Variants in CNTNAP5 observed in about 807,000 individuals in gnomAD.
The protein encoded by CNTNAP5 is contactin-associated protein-like 5.
In CNTNAP5, 72 loss-of-function variants were observed where a neutral mutation model predicts 150.2. The ratio of observed to expected loss-of-function variants is 0.48; its 90% confidence interval spans 0.40 to 0.58. The LOEUF (loss-of-function observed/expected upper bound fraction) is 0.58, where lower values mean the gene tolerates loss of function less well. Among genes scored for constraint, CNTNAP5 ranks in the 20% least tolerant of loss-of-function variants. The pLI is 0.00. For synonymous variants in CNTNAP5, 672 were observed against 619.8 expected, an observed-to-expected ratio of 1.08 and a Z score of -1.25; for missense variants, 1,636 against 1,626.2, an observed-to-expected ratio of 1.01 and a Z score of -0.10.
intron 11 of CNTNAP5, among the ~76,000 whole-genome samples, chr2:124,602,942 T>C (rs916246082): frequency 1.3e-5 from 2 of 152,196 alleles, no homozygotes; most frequent in African/African-American, 4.8e-5. Context: ...AAATACTTAA[T>C]ATAATCTGTT....
chr2:124,535,534 A>G (rs1695209880), intron 10 of CNTNAP5, among the ~76,000 whole-genome samples: 1 of 150,790 alleles, frequency 6.6e-6, no homozygotes, highest in South Asian at 2.1e-4. Flanking sequence ...GAGGCCAAGA[A>G]GGGCGGATCA....
At chr2:124,832,878 C>A (rs1682745657) in intron 19 of CNTNAP5, among the ~76,000 whole-genome samples, 1 of 151,456 alleles carries the variant, frequency 6.6e-6, no homozygotes, top group African/African-American at 2.4e-5. Context: ...GAGTAATGAT[C>A]ATTTAAGCTC....
At chr2:124,408,111 A>T (rs1270020059) in intron 3 of CNTNAP5, among the ~76,000 whole-genome samples, 2 of 152,200 alleles carry the variant, frequency 1.3e-5, no homozygotes, top group Non-Finnish European at 2.9e-5. Flanking sequence ...CGAGTCAAAG[A>T]AAGGGGTGAC....
rs531403397 is a variant in CNTNAP5 at position 124,418,861 on chromosome 2, G to A, written c.529+1271G>A. Among the ~76,000 whole-genome samples the A allele has an allele frequency of 3.8e-3, 571 of 152,132 alleles. 4 individuals are homozygous for A. The highest frequency in any genetic ancestry group is 0.013 in the African/African-American group (533 of 41,530). On this transcript the variant is annotated intron_variant, in intron 4 of 23. Coordinates refer to ENST00000682447, the MANE Select transcript of CNTNAP5 (RefSeq NM_001367498.1). Reference sequence around the variant, plus strand: ...TTTTAAAATACAGTATGGGCCGGGCGCGGTGGCTCACGCCTGTAATCCCAG... The same window carrying A: ...TTTTAAAATACAGTATGGGCCGGGCACGGTGGCTCACGCCTGTAATCCCAG...
chr2:124,742,351 A>C lies in CNTNAP5; in HGVS notation c.2078-4878A>C, dbSNP rs182793776. Among the ~76,000 whole-genome samples the C allele has an allele frequency of 1.5e-3, 236 of 152,350 alleles. 1 individual carries two copies. The highest frequency in any genetic ancestry group is 5.3e-3 in the African/African-American group (222 of 41,590). On this transcript the variant is annotated intron_variant, in intron 13 of 23. Coordinates refer to ENST00000682447, the MANE Select transcript of CNTNAP5 (RefSeq NM_001367498.1). Reference sequence around the variant, plus strand: ...GAAAGACACTGAACATTTGAAAAGAAGACAGCTACAGGGCTTAAACTGTGC... The same window carrying C: ...GAAAGACACTGAACATTTGAAAAGACGACAGCTACAGGGCTTAAACTGTGC...
chr2:124,378,572 C>T (rs1358821590), intron 3 of CNTNAP5, among the ~76,000 whole-genome samples: 8 of 151,320 alleles, frequency 5.3e-5, no homozygotes, highest in East Asian at 3.9e-4. Flanking sequence ...TGGTCTTACC[C>T]GTACTTCTTC....
At chr2:124,437,774 A>T (rs1374293194) in intron 5 of CNTNAP5, among the ~76,000 whole-genome samples, 1 of 152,170 alleles carries the variant, frequency 6.6e-6, no homozygotes, top group Non-Finnish European at 1.5e-5. Context: ...AGAGAAATAC[A>T]GGAGAGGTGA....
chr2:124,253,733 C>G (rs1361241285), intron 3 of CNTNAP5, among the ~76,000 whole-genome samples: 1 of 152,026 alleles, frequency 6.6e-6, no homozygotes, highest in African/African-American at 2.4e-5. Flanking sequence ...GGACTGGATA[C>G]TAATCAGGAT....
intron 13 of CNTNAP5, among the ~76,000 whole-genome samples, chr2:124,662,714 T>G (rs1430656467): frequency 6.6e-6 from 1 of 152,300 alleles, no homozygotes; most frequent in East Asian, 1.9e-4. Flanking sequence ...GTCCAAATAC[T>G]TTTGCTCTAT....
intron 3 of CNTNAP5, among the ~76,000 whole-genome samples, chr2:124,313,408 C>A (rs138977083): frequency 1.2e-3 from 177 of 152,262 alleles, no homozygotes; most frequent in Non-Finnish European, 2.0e-3. Flanking sequence ...ATTTTAGGAT[C>A]ATTTGACACT....
At position 124,440,147 on chromosome 2, in the gene CNTNAP5, A is replaced by G. The variant is rs574096914; in HGVS notation, c.733+5460A>G. Among the ~76,000 whole-genome samples the G allele has an allele frequency of 2.0e-5, 3 of 152,234 alleles. No individual in the cohort carries two copies. The South Asian group carries it at 6.2e-4, about 32-fold the overall frequency. On this transcript the variant is annotated intron_variant, in intron 5 of 23. Transcript: ENST00000682447. ...TGCAGGGTTATTATAGTCAGAAATA[A>G]TTATAACAACATATGTGAAGTGTTT...
At chr2:124,905,208 A>G (rs954676055) in intron 22 of CNTNAP5, among the ~76,000 whole-genome samples, 1 of 151,422 alleles carries the variant, frequency 6.6e-6, no homozygotes, top group African/African-American at 2.4e-5. Flanking sequence ...CGTCAGGGAA[A>G]TGCAAACCAA....
intron 3 of CNTNAP5, among the ~76,000 whole-genome samples, chr2:124,358,811 G>A (rs1340594476): frequency 6.6e-6 from 1 of 151,100 alleles, no homozygotes; most frequent in East Asian, 1.9e-4. Context: ...GAATGATGCT[G>A]GCCTCATAAA....
At chr2:124,250,271 T>A (rs1687139955) in intron 3 of CNTNAP5, among the ~76,000 whole-genome samples, 1 of 152,126 alleles carries the variant, frequency 6.6e-6, no homozygotes, top group African/African-American at 2.4e-5. Flanking sequence ...AGAATTTGCT[T>A]TTGTAATGAA....
intron 17 of CNTNAP5, among the ~76,000 whole-genome samples, chr2:124,784,713 T>G (rs1681527396): frequency 6.6e-6 from 1 of 152,134 alleles, no homozygotes; most frequent in Non-Finnish European, 1.5e-5. Flanking sequence ...CGTCTAATAT[T>G]TGTCTTAGAA....
chr2:124,344,688 G>A (rs1285025468), intron 3 of CNTNAP5, among the ~76,000 whole-genome samples: 1 of 152,138 alleles, frequency 6.6e-6, no homozygotes, highest in Non-Finnish European at 1.5e-5. Flanking sequence ...CCCAGAAGTT[G>A]GAGGTTACAG....
chr2:124,213,231 A>G (rs921351858), intron 1 of CNTNAP5, among the ~76,000 whole-genome samples: 5 of 152,210 alleles, frequency 3.3e-5, no homozygotes, highest in African/African-American at 1.2e-4. Context: ...TTTGAAGGCA[A>G]CATATTAAAA....
intron 13 of CNTNAP5, among the ~76,000 whole-genome samples, chr2:124,694,952 G>A (rs953186643): frequency 2.6e-5 from 4 of 152,160 alleles, no homozygotes; most frequent in African/African-American, 9.6e-5. Context: ...TCTTTGGCGA[G>A]TCAAATAATA....
At chr2:124,210,264 C>G (rs544939071) in intron 1 of CNTNAP5, among the ~76,000 whole-genome samples, 1 of 151,984 alleles carries the variant, frequency 6.6e-6, no homozygotes, top group African/African-American at 2.4e-5. Context: ...AAAAGAAAGA[C>G]GAGAAGCTTT....
Sources: allele counts gnomAD v4.1 joint callset (sites outside exome capture counted in the v4.1 genomes callset), GRCh38; gene constraint gnomAD v4.1.1; transcripts MANE v1.5; gene names NCBI Gene and HGNC (gene_info 2026-07-23, HGNC 2026-07-21).